CACNA2D1: variants seen among roughly 807,000 people sequenced by gnomAD.
CACNA2D1 encodes the protein calcium voltage-gated channel auxiliary subunit alpha2delta 1.
CACNA2D1 carries 53 observed loss-of-function variants against 171.5 expected under a neutral mutation model. That is an observed-to-expected ratio of 0.31 (90% CI 0.25 to 0.39). The LOEUF is 0.39. CACNA2D1 is among the 10% of genes least tolerant of loss of function. The pLI, the probability that CACNA2D1 is intolerant of heterozygous loss-of-function variation, is 1.00. For synonymous variants in CACNA2D1, 442 were observed against 443.1 expected (o/e 1.00, Z 0.03); for missense variants, 903 against 1,299.8 (o/e 0.69, Z 4.69).
chr7:82,358,570 C>G (rs1346253109), intron 1 of CACNA2D1, among the ~76,000 whole-genome samples: 1 of 152,038 alleles, frequency 6.6e-6, no homozygotes, highest in Non-Finnish European at 1.5e-5. Context: ...AAAGGATGTA[C>G]TCATGCTAAT....
At chr7:82,312,676 C>A (rs1814623271) in intron 3 of CACNA2D1, among the ~76,000 whole-genome samples, 1 of 149,812 alleles carries the variant, frequency 6.7e-6, no homozygotes, top group Admixed American at 6.6e-5. Flanking sequence ...ACTACCATGC[C>A]CAGCTAATTT....
At chr7:82,332,720 C>T (rs971491243) in intron 3 of CACNA2D1, among the ~76,000 whole-genome samples, 1 of 152,072 alleles carries the variant, frequency 6.6e-6, no homozygotes, top group African/African-American at 2.4e-5. Flanking sequence ...AGGAACCAGG[C>T]GGGGTGCAGT....
chr7:82,443,836 G>A, upstream of CACNA2D1: 1 of 582,688 alleles, frequency 1.7e-6, no homozygotes, highest in South Asian at 9.0e-5. Context: ...AGGCGGAGGC[G>A]GGGGCGGGGG....
At chr7:81,966,237 C>T (rs1222987320) in intron 31 of CACNA2D1, among the ~76,000 whole-genome samples, 1 of 151,334 alleles carries the variant, frequency 6.6e-6, no homozygotes, top group Non-Finnish European at 1.5e-5. Flanking sequence ...AGGATAAATT[C>T]CCACCTAGTT....
intron 3 of CACNA2D1, among the ~76,000 whole-genome samples, chr7:82,219,289 C>A (rs933690113): frequency 1.3e-5 from 2 of 152,018 alleles, no homozygotes; most frequent in Non-Finnish European, 2.9e-5. Context: ...AATCACACAA[C>A]AATATAGCAT....
chr7:82,093,566 T>C (rs1216658423), intron 6 of CACNA2D1, among the ~76,000 whole-genome samples: 1 of 152,106 alleles, frequency 6.6e-6, no homozygotes, highest in Non-Finnish European at 1.5e-5. Context: ...TAATAGTCTA[T>C]TAACCTTTCC....
chr7:81,974,253 AATTTG>A (rs1795597408), intron 25 of CACNA2D1, among the ~76,000 whole-genome samples, 197 bp downstream of exon 25: 1 of 152,078 alleles, frequency 6.6e-6, no homozygotes, highest in African/African-American at 2.4e-5. Context: ...TTGTTTTGAA[AATTTG>A]ATTTAACTAA....
chr7:82,430,543 C>T (rs1216519135), intron 1 of CACNA2D1, among the ~76,000 whole-genome samples: 1 of 151,972 alleles, frequency 6.6e-6, no homozygotes, highest in Non-Finnish European at 1.5e-5. Flanking sequence ...ATCTTTTATC[C>T]ATAAATCAAC....
At chr7:82,408,733 C>T (rs532837760) in intron 1 of CACNA2D1, among the ~76,000 whole-genome samples, 1 of 152,216 alleles carries the variant, frequency 6.6e-6, no homozygotes, top group African/African-American at 2.4e-5. Context: ...AAATCCTATT[C>T]CATTCTGTAA....
chr7:82,384,094 T>C (rs1824035493), intron 1 of CACNA2D1, among the ~76,000 whole-genome samples: 1 of 152,214 alleles, frequency 6.6e-6, no homozygotes, highest in Non-Finnish European at 1.5e-5. Context: ...TAGTATATAC[T>C]GAAACCTCTC....
intron 1 of CACNA2D1, among the ~76,000 whole-genome samples, chr7:82,389,736 T>C (rs1824877470): frequency 6.6e-6 from 1 of 152,180 alleles, no homozygotes; most frequent in African/African-American, 2.4e-5. Flanking sequence ...TGTATTTAAT[T>C]TCCTGGGTTA....
chr7:81,981,300 C>G (rs1047881321), intron 24 of CACNA2D1, among the ~76,000 whole-genome samples: 2 of 152,062 alleles, frequency 1.3e-5, no homozygotes, highest in Non-Finnish European at 2.9e-5. Flanking sequence ...GTAAGAAAAA[C>G]AGAATAGTGT....
At chr7:82,200,754 A>C (rs1459887496) in intron 3 of CACNA2D1, among the ~76,000 whole-genome samples, 1 of 152,202 alleles carries the variant, frequency 6.6e-6, no homozygotes, top group African/African-American at 2.4e-5. Context: ...TAAACACCAA[A>C]TATGCAAAAA....
intron 1 of CACNA2D1, among the ~76,000 whole-genome samples, chr7:82,378,993 C>T (rs528558243): frequency 2.8e-4 from 42 of 148,142 alleles, no homozygotes; most frequent in African/African-American, 9.7e-4. Flanking sequence ...GTGTGTTATA[C>T]TCGGGAGCTG....
chr7:82,402,556 C>G (rs1440721709), intron 1 of CACNA2D1, among the ~76,000 whole-genome samples: 1 of 151,390 alleles, frequency 6.6e-6, no homozygotes, highest in African/African-American at 2.4e-5. Flanking sequence ...ACTAAAAATA[C>G]AAAAATTAGC....
chr7:82,264,208 C>A (rs553510463), intron 3 of CACNA2D1, among the ~76,000 whole-genome samples: 1 of 152,184 alleles, frequency 6.6e-6, no homozygotes, highest in South Asian at 2.1e-4. Context: ...CTTAATGATA[C>A]CCATGTGTGT....
chr7:82,267,869 T>A (rs994274745), intron 3 of CACNA2D1, among the ~76,000 whole-genome samples: 10 of 151,898 alleles, frequency 6.6e-5, no homozygotes, highest in Non-Finnish European at 8.8e-5. Context: ...TGGTGGCGGG[T>A]GCCTGTAGTC....
At chr7:81,962,190 A>C (rs547795627) in intron 35 of CACNA2D1, among the ~76,000 whole-genome samples, 167 bp from the exon 36 acceptor site, 329 of 152,026 alleles carry the variant, frequency 2.2e-3, no homozygotes, top group Middle Eastern at 0.01. Flanking sequence ...CCCGTAATAG[A>C]TGCCTGATAA....
intron 1 of CACNA2D1, among the ~76,000 whole-genome samples, chr7:82,359,951 T>A (rs1820899001): frequency 1.3e-5 from 2 of 152,148 alleles, no homozygotes; most frequent in Non-Finnish European, 2.9e-5. Flanking sequence ...TCTATTGAGG[T>A]AGATACCGTT....
Sources: gnomAD v4.1 joint callset for allele counts (sites outside exome capture counted in the v4.1 genomes callset) on GRCh38, gnomAD v4.1.1 for gene constraint, MANE v1.5 for transcripts, NCBI Gene and HGNC (gene_info 2026-07-23, HGNC 2026-07-21) for gene names.